The following CRYZL1 variants were observed in gnomAD, a reference collection of about 807,000 sequenced individuals.
The protein encoded by CRYZL1 is crystallin zeta like 1.
A neutral mutation model predicts 50.6 loss-of-function variants in CRYZL1; 34 were observed. That is an observed-to-expected ratio of 0.67 (90% CI 0.51 to 0.89). The LOEUF is 0.89. CRYZL1 is among the 40% of genes least tolerant of loss of function. CRYZL1 has a pLI of 0.00. For missense variants in CRYZL1, 354 were observed against 402.3 expected (o/e 0.88, Z 1.03); for synonymous variants, 125 against 134.3 (o/e 0.93, Z 0.48).
intron 2 of CRYZL1, among the ~76,000 whole-genome samples, chr21:33,628,527 C>T (rs752736392): frequency 3.3e-5 from 5 of 151,740 alleles, no homozygotes; most frequent in Non-Finnish European, 7.4e-5. Context: ...GATATTTCAC[C>T]TCCTTGGTTA....
intron 3 of CRYZL1, among the ~76,000 whole-genome samples, chr21:33,623,703 A>G (rs2087027792): frequency 6.6e-6 from 1 of 152,214 alleles, no homozygotes; most frequent in African/African-American, 2.4e-5. Flanking sequence ...AATTATAGTC[A>G]CATTATAATC....
At chr21:33,596,606 C>T (rs1001655732) in intron 10 of CRYZL1, among the ~76,000 whole-genome samples, 1 of 151,838 alleles carries the variant, frequency 6.6e-6, no homozygotes, top group Non-Finnish European at 1.5e-5. Flanking sequence ...CCATTGTGCT[C>T]CAGCCTGGGC....
intron 6 of CRYZL1, among the ~76,000 whole-genome samples, chr21:33,606,783 G>T (rs1040934689): frequency 3.3e-5 from 5 of 152,046 alleles, no homozygotes; most frequent in Admixed American, 6.6e-5. Flanking sequence ...GCCGAGACAG[G>T]CAGAGCACCT....
At chr21:33,598,679 G>A (rs2086719839) in intron 9 of CRYZL1, among the ~76,000 whole-genome samples, 1 of 152,150 alleles carries the variant, frequency 6.6e-6, no homozygotes, top group Non-Finnish European at 1.5e-5. Context: ...ATTTCTTGTA[G>A]CGATATGTCA....
intron 2 of CRYZL1, among the ~76,000 whole-genome samples, chr21:33,627,700 A>ACAC (rs1243126554): frequency 6.6e-6 from 1 of 151,196 alleles, no homozygotes; most frequent in Non-Finnish European, 1.5e-5. Flanking sequence ...TATGGAAAAT[A>ACAC]ATATCTTTCT....
chr21:33,619,575 T>C (rs1283703801), intron 4 of CRYZL1, among the ~76,000 whole-genome samples: 5 of 152,178 alleles, frequency 3.3e-5, no homozygotes, highest in Admixed American at 3.3e-4. Flanking sequence ...TTTCTTTTTT[T>C]TCTTTTGAGA....
rs370351265 is a variant in CRYZL1 at position 33,617,663 on chromosome 21, G to A, written c.218-913C>T. Among the ~76,000 whole-genome samples, 90 of 152,172 alleles carry A rather than the reference G, an allele frequency of 5.9e-4. 1 individual carries two copies. In the South Asian group the frequency reaches 0.016, roughly 27 times the overall value. ...GGGTCGTGATCGATTGAGCAAGTAG[G>A]GGGTACGTGATCGGGGGCTGCATGC... On this transcript the variant is annotated intron_variant, in intron 4 of 12. Coordinates refer to ENST00000381554, the MANE Select transcript of CRYZL1 (RefSeq NM_145858.3).
intron 1 of CRYZL1, among the ~76,000 whole-genome samples, chr21:33,638,307 G>A (rs1052654916): frequency 5.9e-5 from 9 of 151,426 alleles, no homozygotes; most frequent in African/African-American, 2.2e-4. Context: ...CCGCCTCCCG[G>A]CTTCAAGTGA....
intron 2 of CRYZL1, among the ~76,000 whole-genome samples, chr21:33,629,040 G>A (rs2087105107): frequency 2.1e-5 from 3 of 145,930 alleles, no homozygotes; most frequent in Non-Finnish European, 3.0e-5. Context: ...GACCAGCCTG[G>A]GCAACATGGC....
intron 2 of CRYZL1, among the ~76,000 whole-genome samples, chr21:33,629,591 T>C (rs2087114342): frequency 6.6e-6 from 1 of 152,180 alleles, no homozygotes; most frequent in Admixed American, 6.6e-5. Context: ...TCGTATCCTA[T>C]AACTTTACTG....
intron 1 of CRYZL1, among the ~76,000 whole-genome samples, chr21:33,634,076 A>T (rs1334549984): frequency 6.6e-6 from 1 of 152,250 alleles, no homozygotes; most frequent in Non-Finnish European, 1.5e-5. Context: ...TATAGAAATT[A>T]CGTATGTAGC....
intron 1 of CRYZL1, among the ~76,000 whole-genome samples, chr21:33,631,983 T>C (rs1454481017): frequency 6.6e-6 from 1 of 152,128 alleles, no homozygotes; most frequent in East Asian, 1.9e-4. Flanking sequence ...TTGAAAATTG[T>C]GGCCCTAATT....
chr21:33,601,552 A>G (rs75159524), intron 8 of CRYZL1, among the ~76,000 whole-genome samples: 3 of 152,318 alleles, frequency 2.0e-5, no homozygotes, highest in East Asian at 1.9e-4. Context: ...GTTGAAAACA[A>G]TGGGGCAAAC....
At chr21:33,627,050 T>C (rs2087074460) in intron 2 of CRYZL1, among the ~76,000 whole-genome samples, 2 of 152,234 alleles carry the variant, frequency 1.3e-5, no homozygotes, top group Admixed American at 6.5e-5. Context: ...CTCATGATTT[T>C]GTGAACCTGG....
intron 1 of CRYZL1, among the ~76,000 whole-genome samples, chr21:33,638,330 A>C (rs1396277387): frequency 6.7e-6 from 1 of 148,416 alleles, no homozygotes; most frequent in African/African-American, 2.5e-5. Flanking sequence ...CTCCTGCCCC[A>C]GCCTCCCGAG....
intron 5 of CRYZL1, 186 bp downstream of exon 5, chr21:33,616,520 G>A (rs1385647203): frequency 2.8e-5 from 33 of 1,193,504 alleles, no homozygotes; most frequent in Admixed American, 4.8e-5. Flanking sequence ...TCGAACTCCC[G>A]ACCTCAGGTG....
At chr21:33,595,257 G>T in intron 11 of CRYZL1, 1 of 979,906 alleles carries the variant, frequency 1.0e-6, no homozygotes, top group Non-Finnish European at 1.3e-6. Context: ...AGATTTCCTA[G>T]CATTGATATT....
chr21:33,609,036 G>C (rs768072964), intron 6 of CRYZL1, among the ~76,000 whole-genome samples: 1 of 152,148 alleles, frequency 6.6e-6, no homozygotes, highest in Non-Finnish European at 1.5e-5. Flanking sequence ...TTTGGTAACA[G>C]CTATTCTGAC....
chr21:33,604,629 A>G (rs2145926973), intron 6 of CRYZL1, among the ~76,000 whole-genome samples: 1 of 151,958 alleles, frequency 6.6e-6, no homozygotes, highest in East Asian at 1.9e-4. Context: ...TTTATGTTCC[A>G]TATTATGTTT....
Sources: gnomAD v4.1 joint callset for allele counts (sites outside exome capture counted in the v4.1 genomes callset) on GRCh38, gnomAD v4.1.1 for gene constraint, MANE v1.5 for transcripts, NCBI Gene and HGNC (gene_info 2026-07-23, HGNC 2026-07-21) for gene names.